The following ATF1 variants were observed in gnomAD, a reference collection of about 807,000 sequenced individuals.
ATF1 encodes the protein activating transcription factor 1.
In ATF1, 16 loss-of-function variants were observed where a neutral mutation model predicts 34.7. That is an observed-to-expected ratio of 0.46 (90% CI 0.31 to 0.70). The LOEUF (loss-of-function observed/expected upper bound fraction) is 0.70, where lower values mean the gene tolerates loss of function less well. Among genes scored for constraint, ATF1 ranks in the 30% least tolerant of loss-of-function variants. The probability of loss-of-function intolerance (pLI) is 0.05; values close to 1 mark genes in which losing one functional copy is unlikely to be tolerated. For missense variants in ATF1, 255 were observed against 321.6 expected (o/e 0.79, Z 1.58); for synonymous variants, 105 against 113.1 (o/e 0.93, Z 0.46).
intron 2 of ATF1, among the ~76,000 whole-genome samples, chr12:50,795,141 C>G (rs1941385130): frequency 6.6e-6 from 1 of 152,184 alleles, no homozygotes; most frequent in Non-Finnish European, 1.5e-5. Context: ...CAGTGACCTC[C>G]ACCTTGCTAA....
At chr12:50,787,091 T>TACGC (rs1206435761) in intron 2 of ATF1, among the ~76,000 whole-genome samples, 1 of 152,194 alleles carries the variant, frequency 6.6e-6, no homozygotes, top group Non-Finnish European at 1.5e-5. Context: ...ACCCCTTCCC[T>TACGC]ACGCACACAC....
chr12:50,781,591 C>T (rs946326416), intron 2 of ATF1, among the ~76,000 whole-genome samples: 2 of 152,024 alleles, frequency 1.3e-5, no homozygotes, highest in Non-Finnish European at 2.9e-5. Context: ...GCTGGGATTA[C>T]AGGCGCCCAC....
intron 2 of ATF1, among the ~76,000 whole-genome samples, chr12:50,781,915 CAA>C (rs56395543): frequency 3.0e-3 from 320 of 107,082 alleles, no homozygotes; most frequent in East Asian, 4.5e-3. Flanking sequence ...ACCCTATCTC[CAA>C]AAAAAAAAAA....
intron 2 of ATF1, among the ~76,000 whole-genome samples, chr12:50,791,423 A>T (rs1438691016): frequency 1.3e-5 from 2 of 152,114 alleles, no homozygotes; most frequent in Non-Finnish European, 2.9e-5. Context: ...GGGCGTGGTC[A>T]CGCATGCCTG....
chr12:50,774,454 A>G (rs1446800674), intron 1 of ATF1, among the ~76,000 whole-genome samples: 1 of 152,144 alleles, frequency 6.6e-6, no homozygotes, highest in East Asian at 1.9e-4. Flanking sequence ...GCGGTGTTTC[A>G]CTACTCCCTT....
Position 50,820,246 on chromosome 12 carries a change from C to CTAAA in ATF1, c.*470_*473dup. The CTAAA allele has an allele frequency of 5.1e-6, 1 of 197,122 alleles. No homozygotes were observed. The allele number at this position is 197,122 out of a possible 1,614,324, so 12.2% of individuals were successfully genotyped here. A position where few individuals can be genotyped will look rare whatever the true frequency, so the allele number is the denominator to read the frequency against. On this transcript the variant is annotated 3_prime_UTR_variant, in exon 7 of 7. Transcript: ENST00000262053. ...AGGTAAGAGAAAACCTAGTACATTA[C>CTAAA]TAAATATATAAAGTATATGTTCTGA...
intron 1 of ATF1, among the ~76,000 whole-genome samples, chr12:50,769,915 C>T (rs1940731130): frequency 6.6e-6 from 1 of 152,150 alleles, no homozygotes; most frequent in African/African-American, 2.4e-5. Flanking sequence ...TCATGAAGAG[C>T]TAGAATGTTC....
chr12:50,769,642 ATTTAGTGTATGTTAT>A (rs1189678514), intron 1 of ATF1, among the ~76,000 whole-genome samples: 1 of 152,162 alleles, frequency 6.6e-6, no homozygotes, highest in Non-Finnish European at 1.5e-5. Flanking sequence ...TTCTAATATG[ATTTAGTGTATGTTAT>A]TAATAATTAT....
intron 2 of ATF1, chr12:50,788,272 T>C: frequency 2.2e-6 from 1 of 451,244 alleles, no homozygotes; most frequent in South Asian, 1.6e-5. Context: ...AGCCTTGACC[T>C]CCTGTGCTCA....
rs139861411 is a variant in ATF1, at chr12:50,814,067, A to G, written c.386A>G (p.Gln129Arg). 511 of 1,614,226 alleles carry G rather than the reference A, an allele frequency of 3.2e-4. 5 individuals carry two copies. The African/African-American group carries it at 5.7e-3, about 18-fold the overall frequency. ...QLASPGTDGV[Q>R]GLQTLTMTNS... ...GCAAGTCCAGGCACAGATGGAGTAC[A>G]GGGACTTCAGACATTAACCATGACA... Residue 129 changes from glutamine to arginine, a missense_variant, in exon 5 of 7, where the codon CAG becomes CGG. Coordinates refer to ENST00000262053, the MANE Select transcript of ATF1 (RefSeq NM_005171.5).
chr12:50,797,368 C>T (rs967763235), intron 3 of ATF1, among the ~76,000 whole-genome samples: 2 of 152,224 alleles, frequency 1.3e-5, no homozygotes, highest in Non-Finnish European at 2.9e-5. Flanking sequence ...AAGCTAAAAG[C>T]TTCCAAGTGA....
chr12:50,782,239 T>G lies in ATF1; in HGVS notation c.93+2001T>G, dbSNP rs538571765. On this transcript the variant is annotated intron_variant, in intron 2 of 6. Coordinates refer to ENST00000262053, the MANE Select transcript of ATF1 (RefSeq NM_005171.5). ...TTCAGCTGTTTTCTTTTTCTGTTTTTTTTGTTTGTTTGTTTATTTGTTTGT... is the reference window on the plus strand; with the variant it reads ...TTCAGCTGTTTTCTTTTTCTGTTTTGTTTGTTTGTTTGTTTATTTGTTTGT... Among the ~76,000 whole-genome samples the G allele has an allele frequency of 1.1e-3, 157 of 139,766 alleles. 1 individual carries two copies. The highest frequency in any genetic ancestry group is 1.9e-3 in the Non-Finnish European group (114 of 60,590). 91.7% of individuals were successfully genotyped at this position (139,766 alleles called of 152,430 possible).
In ATF1 at chr12:50,814,186, G is replaced by A. The variant is rs762062238; in HGVS notation, c.505G>A (p.Val169Ile). 1.7e-5 allele frequency: 27 copies of A among 1,613,616 alleles called. No individual in the cohort carries two copies. The highest frequency in any genetic ancestry group is 2.0e-5 in the Non-Finnish European group (24 of 1,179,788). ...ACTTGTGCCCAGCAATCAGGTGGTC[G>A]TACAAAGTAAGTATGCTTTCTGTCT... ...QILVPSNQVV[V>I]QTASGDMQTY... The change falls in exon 5 of 7, where the codon GTA (valine) becomes ATA (isoleucine). Residue 169 changes from valine (V) to isoleucine (I), a missense_variant. This residue lies in a region of ATF1 where 221 missense variants were observed against 250.7 expected (regional missense o/e 0.88). Transcript: ENST00000262053.
chr12:50,811,652 C>T (rs994015537), intron 4 of ATF1, among the ~76,000 whole-genome samples: 5 of 149,382 alleles, frequency 3.3e-5, no homozygotes, highest in Non-Finnish European at 7.4e-5. Context: ...AAAAAAAAGC[C>T]GGGCATCATG....
At chr12:50,792,219 T>C (rs1247679225) in intron 2 of ATF1, among the ~76,000 whole-genome samples, 1 of 152,204 alleles carries the variant, frequency 6.6e-6, no homozygotes, top group Non-Finnish European at 1.5e-5. Context: ...CTATTTGTTA[T>C]AGTTAGTTTG....
At chr12:50,768,163 G>T (rs373238414) in intron 1 of ATF1, among the ~76,000 whole-genome samples, 1 of 152,022 alleles carries the variant, frequency 6.6e-6, no homozygotes, top group African/African-American at 2.4e-5. Context: ...ATGAGCCACC[G>T]CACCCAGCCA....
chr12:50,788,534 G>T (rs1232738059), intron 2 of ATF1, among the ~76,000 whole-genome samples: 2 of 151,748 alleles, frequency 1.3e-5, no homozygotes, highest in East Asian at 3.9e-4. Context: ...GCTTAAGCTG[G>T]AGTGCAGTGG....
In ATF1 at chr12:50,809,531, T is replaced by A. The variant is rs1941690637; in HGVS notation, c.270T>A (p.Ala90=). The change falls in exon 4 of 7, where the codon GCT becomes GCA. Residue 90 remains alanine (A), a synonymous_variant. Coordinates refer to ENST00000262053, the MANE Select transcript of ATF1 (RefSeq NM_005171.5). The stretch of plus-strand genomic sequence containing the variant: ...ACGGAGAAAATTCTGGAGTTTCTGC[T>A]GCTGTCACTTCTATGTCTGTTCCAA... ...KGDGENSGVS[A]AVTSMSVPTP... 2 of 1,613,740 alleles carry A rather than the reference T, an allele frequency of 1.2e-6. No individual in the cohort carries two copies. Among genetic ancestry groups the A allele is most frequent in the African/African-American group, 2.7e-5 (2 of 74,932 alleles).
At chr12:50,778,502 C>T (rs922283268) in intron 1 of ATF1, among the ~76,000 whole-genome samples, 7 of 152,026 alleles carry the variant, frequency 4.6e-5, no homozygotes, top group South Asian at 4.1e-4. Flanking sequence ...AGATTACAGG[C>T]GTGAGCCACC....
Sources: gnomAD v4.1 joint callset for allele counts (sites outside exome capture counted in the v4.1 genomes callset) on GRCh38, gnomAD v4.1.1 for gene constraint, gnomAD v4.1.1 regional missense constraint, MANE v1.5 for transcripts, NCBI Gene and HGNC (gene_info 2026-07-23, HGNC 2026-07-21) for gene names.